The following ZXDC variants were observed in gnomAD, a reference collection of about 807,000 sequenced individuals.
ZXDC encodes ZXD family zinc finger C.
A neutral mutation model predicts 63.6 loss-of-function variants in ZXDC; 58 were observed. The observed-to-expected ratio is 0.91, with a 90% confidence interval of 0.74 to 1.13. The LOEUF (loss-of-function observed/expected upper bound fraction) is 1.13, where lower values mean the gene tolerates loss of function less well. Among genes scored for constraint, ZXDC ranks in the 50% most tolerant of loss-of-function variants. The pLI is 0.00. For synonymous variants in ZXDC, 561 were observed against 496.1 expected (o/e 1.13, Z -1.74); for missense variants, 1,133 against 1,148.9 (o/e 0.99, Z 0.20).
At chr3:126,454,595 C>T (rs1342993878) in intron 7 of ZXDC, 8 of 985,286 alleles carry the variant, frequency 8.1e-6, no homozygotes, top group Non-Finnish European at 8.4e-6. Context: ...ATTCAATCTT[C>T]GTCTCTTGAA....
chr3:126,457,796 G>C (rs1023896581), intron 7 of ZXDC: 1 of 406,902 alleles, frequency 2.5e-6, no homozygotes, highest in Non-Finnish European at 3.3e-6. Context: ...CACAATGGTT[G>C]CCACCAGAGG....
At chr3:126,441,634 A>G in intron 8 of ZXDC, 131 bp downstream of exon 8, 1 of 1,422,930 alleles carries the variant, frequency 7.0e-7, no homozygotes, top group Admixed American at 2.8e-5. Flanking sequence ...TCTACAGGGG[A>G]GGATGCACGA....
intron 7 of ZXDC, among the ~76,000 whole-genome samples, chr3:126,449,739 A>G (rs926190121): frequency 1.3e-5 from 2 of 152,174 alleles, no homozygotes; most frequent in African/African-American, 4.8e-5. Context: ...TTCACCCTCA[A>G]TCACCTGACG....
At chr3:126,453,544 A>G (rs954627222) in intron 7 of ZXDC, 27 of 985,358 alleles carry the variant, frequency 2.7e-5, no homozygotes, top group Non-Finnish European at 3.3e-5. Context: ...AGACCCTCAC[A>G]TGTAATCCAC....
intron 7 of ZXDC, chr3:126,452,280 TA>T (rs1934137768): frequency 1.0e-6 from 1 of 985,346 alleles, no homozygotes; most frequent in African/African-American, 1.7e-5. Context: ...CATAGCTTCT[TA>T]CACAATTGTC....
Position 126,462,182 on chromosome 3 carries a change from GAGT to G in ZXDC, c.1477_1479del (p.Thr493del). 6.2e-7 allele frequency: 1 copy of G among 1,606,436 alleles called. No homozygotes were observed. Among genetic ancestry groups the G allele is most frequent in the East Asian group, 2.2e-5 (1 of 44,782 alleles). ...CCTGGGCTGCTGAGTTCACTGCTGGGAGTAAGAGAACTCGGAGCTTCTAGCTGA... is the reference window on the plus strand; with the variant it reads ...CCTGGGCTGCTGAGTTCACTGCTGGGAAGAGAACTCGGAGCTTCTAGCTGA... On this transcript the variant is annotated inframe_deletion, in exon 6 of 10. Transcript: ENST00000389709.
intron 7 of ZXDC, among the ~76,000 whole-genome samples, chr3:126,448,937 C>T (rs1052582834): frequency 1.3e-5 from 2 of 152,340 alleles, no homozygotes; most frequent in Non-Finnish European, 1.5e-5. Flanking sequence ...AGCATCCACA[C>T]GGCAGGAGGT....
intron 5 of ZXDC, among the ~76,000 whole-genome samples, chr3:126,465,038 T>G (rs1934700560): frequency 6.6e-6 from 1 of 152,190 alleles, no homozygotes; most frequent in African/African-American, 2.4e-5. Flanking sequence ...CATGGAGGCC[T>G]GTCCCTTGCC....
chr3:126,440,762 C>A, intron 8 of ZXDC: 1 of 986,250 alleles, frequency 1.0e-6, no homozygotes, highest in Non-Finnish European at 1.2e-6. Context: ...CCAACCAGCA[C>A]AGGGCCACCC....
intron 7 of ZXDC, among the ~76,000 whole-genome samples, chr3:126,444,748 C>A (rs891477805): frequency 6.6e-6 from 1 of 152,260 alleles, no homozygotes; most frequent in African/African-American, 2.4e-5. Flanking sequence ...AAGTTACCTA[C>A]AAAGCAAGAA....
chr3:126,454,887 A>T (rs1934246684), intron 7 of ZXDC: 18 of 985,286 alleles, frequency 1.8e-5, no homozygotes, highest in Non-Finnish European at 2.2e-5. Flanking sequence ...CAAGATAAAG[A>T]AATTCACACA....
At chr3:126,440,146 C>A in intron 8 of ZXDC, 2 of 1,011,346 alleles carry the variant, frequency 2.0e-6, no homozygotes, top group Non-Finnish European at 1.2e-6. Context: ...CCCCAGCTTG[C>A]CTACGGGCCA....
intron 7 of ZXDC, among the ~76,000 whole-genome samples, chr3:126,444,158 C>G (rs766092025): frequency 6.6e-6 from 1 of 152,236 alleles, no homozygotes; most frequent in Non-Finnish European, 1.5e-5. Flanking sequence ...GCAGCCAGAA[C>G]AGTCGCATTA....
At chr3:126,466,720 T>C (rs931656567) in intron 4 of ZXDC, among the ~76,000 whole-genome samples, 1 of 152,108 alleles carries the variant, frequency 6.6e-6, no homozygotes, top group African/African-American at 2.4e-5. Flanking sequence ...AATGTAATCC[T>C]AGGATGACAT....
intron 7 of ZXDC, among the ~76,000 whole-genome samples, chr3:126,449,902 A>G (rs372438619): frequency 1.3e-5 from 2 of 152,230 alleles, no homozygotes; most frequent in South Asian, 2.1e-4. Flanking sequence ...AACACAAACC[A>G]AAGTGACAGC....
chr3:126,452,172 G>A (rs1405296591), intron 7 of ZXDC: 1 of 985,412 alleles, frequency 1.0e-6, no homozygotes, highest in Non-Finnish European at 1.2e-6. Context: ...CGCAGCCCCA[G>A]CACCAGAACA....
chr3:126,438,457 A>T lies in ZXDC; in HGVS notation c.2495T>A (p.Val832Glu). 1 of 1,612,862 alleles carries T rather than the reference A, an allele frequency of 6.2e-7. No individual in the cohort carries two copies. Among genetic ancestry groups the T allele is most frequent in the South Asian group, 1.1e-5 (1 of 90,932 alleles). Reference sequence around the variant, plus strand: ...AGCAGGGCCTCCAGATGAGGGGAGCACCTCCTGCAAAACCAAGCATTGTCA... The same window carrying T: ...AGCAGGGCCTCCAGATGAGGGGAGCTCCTCCTGCAAAACCAAGCATTGTCA... ...VDLPVYVLQE[V>E]LPSSGGPAGP... The change falls in exon 10 of 10, where the codon GTG becomes GAG. Residue 832 changes from valine to glutamate, a missense_variant. Transcript: ENST00000389709.
intron 1 of ZXDC, among the ~76,000 whole-genome samples, chr3:126,474,530 T>C (rs1935105587): frequency 6.6e-6 from 1 of 152,238 alleles, no homozygotes; most frequent in South Asian, 2.1e-4. Context: ...TGCGCACACC[T>C]GTGGCTATCC....
At chr3:126,470,018 A>G (rs545664856) in intron 4 of ZXDC, among the ~76,000 whole-genome samples, 1 of 152,206 alleles carries the variant, frequency 6.6e-6, no homozygotes, top group South Asian at 2.1e-4. Flanking sequence ...TGAATCCATG[A>G]CCACCCGACG....
Sources: gnomAD v4.1 joint callset for allele counts (sites outside exome capture counted in the v4.1 genomes callset) on GRCh38, gnomAD v4.1.1 for gene constraint, MANE v1.5 for transcripts, NCBI Gene and HGNC (gene_info 2026-07-23, HGNC 2026-07-21) for gene names.